ITGB4: variants seen among roughly 807,000 people sequenced by gnomAD.
The protein encoded by ITGB4 is integrin beta-4.
Under a neutral mutation model 207.6 loss-of-function variants are expected in ITGB4, and 159 were observed. The ratio of observed to expected loss-of-function variants is 0.77; its 90% confidence interval spans 0.67 to 0.87. ITGB4 has a LOEUF of 0.87. Ranked by LOEUF, ITGB4 falls within the 40% of genes least tolerant of loss-of-function variation. ITGB4 has a pLI of 0.00. For synonymous variants in ITGB4, 1,020 were observed against 1,062.7 expected, an observed-to-expected ratio of 0.96 and a Z score of 0.78; for missense variants, 2,278 against 2,546.8, an observed-to-expected ratio of 0.89 and a Z score of 2.27.
At position 75,740,926 on chromosome 17, in the gene ITGB4, G is replaced by T; in HGVS notation, c.2610-56G>T. ...CTCCAGGAGCCGAAGCCCCCAGGCC[G>T]ATCAGGCCTCCACTTCAGGGCTATC... On this transcript the variant is annotated intron_variant, in intron 22 of 39. Transcript: ENST00000200181. This position sits in a 1 kb window ranked among gnomAD's most constrained non-coding sequence, Gnocchi z 5.9. The T allele has an allele frequency of 1.2e-6, 2 of 1,613,354 alleles. No individual in the cohort carries two copies. Among genetic ancestry groups the T allele is most frequent in the Admixed American group, 3.3e-5 (2 of 60,026 alleles).
intron 32 of ITGB4, among the ~76,000 whole-genome samples, chr17:75,752,851 G>T: frequency 6.6e-6 from 1 of 152,154 alleles, no homozygotes; most frequent in East Asian, 1.9e-4. Flanking sequence ...CACCAGCTGT[G>T]CCATGCACAC....
At position 75,756,879 on chromosome 17, in the gene ITGB4, C is replaced by T; in HGVS notation, c.5053+20C>T. 6.2e-7 allele frequency: 1 copy of T among 1,612,224 alleles called. No individual in the cohort carries two copies. On this transcript the variant is annotated intron_variant, in intron 37 of 39. Transcript: ENST00000200181. ...GAGGAGGTGCTGCCCACCCCGGGGG[C>T]AGGAGTGGCCAGGGGAGGGGTAAAG...
chr17:75,737,709 C>G, intron 18 of ITGB4, 65 bp downstream of exon 18: 1 of 1,362,106 alleles, frequency 7.3e-7, no homozygotes, highest in South Asian at 1.2e-5. Context: ...AGGGCCCCCA[C>G]CCTCCACCAG....
rs1568386401 is a variant in ITGB4, at chr17:75,756,279, C to T, written c.4709-150C>T. On this transcript the variant is annotated intron_variant, in intron 35 of 39. Coordinates refer to ENST00000200181, the MANE Select transcript of ITGB4 (RefSeq NM_000213.5). Reference sequence around the variant, plus strand: ...ATAGTACACAATCTGAACAACCAGCCATACCATACTGTACCCAACCTGTAC... The same window carrying T: ...ATAGTACACAATCTGAACAACCAGCTATACCATACTGTACCCAACCTGTAC... The T allele has an allele frequency of 1.1e-5, 8 of 757,812 alleles. No homozygotes were observed. In the South Asian group the frequency reaches 1.1e-4, roughly 11 times the overall value. 46.9% of individuals were successfully genotyped at this position (757,812 alleles called of 1,614,324 possible).
At chr17:75,746,538 A>AT (rs760608554) in intron 26 of ITGB4, among the ~76,000 whole-genome samples, 5 of 148,740 alleles carry the variant, frequency 3.4e-5, no homozygotes, top group Admixed American at 2.0e-4. Flanking sequence ...GCCATTTTAT[A>AT]TTTTTAGTAG....
At chr17:75,744,828 T>C (rs950857083) in intron 26 of ITGB4, among the ~76,000 whole-genome samples, 2 of 151,504 alleles carry the variant, frequency 1.3e-5, no homozygotes, top group African/African-American at 2.4e-5. Flanking sequence ...AGGGTCTTGC[T>C]ATGTTGCCCA....
Position 75,756,561 on chromosome 17 carries a change from G to A in ITGB4, c.4841G>A (p.Gly1614Asp), listed in dbSNP as rs756507156. 25 of 1,613,182 alleles carry A rather than the reference G, an allele frequency of 1.5e-5. No individual in the cohort carries two copies. The highest frequency in any genetic ancestry group is 2.1e-5 in the Non-Finnish European group (25 of 1,180,014). The change falls in exon 36 of 40, where the codon GGT (glycine) becomes GAT (aspartate). Residue 1614 changes from glycine (G) to aspartate (D), a missense_variant. Coordinates refer to ENST00000200181, the MANE Select transcript of ITGB4 (RefSeq NM_000213.5). ...GAAGGCTGGGGCCGAGAGCGTGAGGGTGTCATCACCATTGAATCCCAGGTG... is the reference window on the plus strand; with the variant it reads ...GAAGGCTGGGGCCGAGAGCGTGAGGATGTCATCACCATTGAATCCCAGGTG... Reference protein sequence around the residue: ...SQEGWGREREGVITIESQVHP... With the variant: ...SQEGWGREREDVITIESQVHP...
chr17:75,736,430 G>T, intron 15 of ITGB4, 44 bp downstream of exon 15: 2 of 1,610,432 alleles, frequency 1.2e-6, no homozygotes, highest in Non-Finnish European at 1.7e-6. Flanking sequence ...AACAGGGCAG[G>T]CACAGGGCAG....
rs1203870755 is a variant in ITGB4, at chr17:75,730,962, A to G, written c.1090A>G (p.Asn364Asp). 3 of 1,612,930 alleles carry G rather than the reference A, an allele frequency of 1.9e-6. No individual in the cohort carries two copies. Among genetic ancestry groups the G allele is most frequent in the African/African-American group, 1.3e-5 (1 of 74,878 alleles). The change falls in exon 9 of 40, where the codon AAT becomes GAT. Residue 364 changes from asparagine to aspartate, a missense_variant and splice_region_variant. By Grantham distance (23) the Asn-to-Asp change is conservative (BLOSUM62 1). Transcript: ENST00000200181. Reference sequence around the variant, plus strand: ...CGTGGAGCTGCTGGAGGAGGCCTTCAATGTGAGGGCAGCTCAGGCTCCAGA... The same window carrying G: ...CGTGGAGCTGCTGGAGGAGGCCTTCGATGTGAGGGCAGCTCAGGCTCCAGA... ...NIVELLEEAF[N>D]RIRSNLDIRA...
Position 75,757,181 on chromosome 17 carries a change from G to A in ITGB4, c.5219-19G>A, listed in dbSNP as rs765302091. On this transcript the variant is annotated intron_variant, in intron 38 of 39. Transcript: ENST00000200181. ...TCCTTCTGGCACCACCCTCTGACTG[G>A]CCTATCTGCCCACCCCAGGACCCTT... 6.2e-6 allele frequency: 10 copies of A among 1,612,202 alleles called. No individual in the cohort carries two copies. The highest frequency in any genetic ancestry group is 7.6e-6 in the Non-Finnish European group (9 of 1,179,808).
At chr17:75,734,145 T>TTTTTG in intron 13 of ITGB4, among the ~76,000 whole-genome samples, 1 of 144,350 alleles carries the variant, frequency 6.9e-6, no homozygotes, top group African/African-American at 2.6e-5. Context: ...TTTTTTTTTT[T>TTTTTG]TTTTTTTTGA....
At position 75,751,394 on chromosome 17, in the gene ITGB4, G is replaced by C. The variant is rs1443000239; in HGVS notation, c.3793+283G>C. Among the ~76,000 whole-genome samples, 3 of 152,328 alleles carry C rather than the reference G, an allele frequency of 2.0e-5. No homozygotes were observed. In the East Asian group the frequency reaches 5.8e-4, roughly 29 times the overall value. On this transcript the variant is annotated intron_variant, in intron 30 of 39. Coordinates refer to ENST00000200181, the MANE Select transcript of ITGB4 (RefSeq NM_000213.5). Reference sequence around the variant, plus strand: ...ACCCCTCCCCATGCAGGTAACCAGGGAGCTCACACGTGCATGGTTTTCTTA... The same window carrying C: ...ACCCCTCCCCATGCAGGTAACCAGGCAGCTCACACGTGCATGGTTTTCTTA...
chr17:75,732,719 C>T lies in ITGB4; in HGVS notation c.1454+480C>T, dbSNP rs575031586. Among the ~76,000 whole-genome samples, 211 of 152,286 alleles carry T rather than the reference C, an allele frequency of 1.4e-3. 1 individual carries two copies. Among genetic ancestry groups the T allele is most frequent in the African/African-American group, 4.8e-3 (198 of 41,548 alleles). On this transcript the variant is annotated intron_variant, in intron 12 of 39. Coordinates refer to ENST00000200181, the MANE Select transcript of ITGB4 (RefSeq NM_000213.5). The surrounding 1 kb of genome is among the most constrained non-coding windows in gnomAD (Gnocchi z 5.3). The stretch of plus-strand genomic sequence containing the variant: ...TGACAGGGCACTGGGGTTTAGGTCT[C>T]AGCTCAGCCACTTCTGTCTGCATGA...
chr17:75,755,863 G>T lies in ITGB4; in HGVS notation c.4708+13G>T. 6.3e-7 allele frequency: 1 copy of T among 1,598,878 alleles called. No individual in the cohort carries two copies. On this transcript the variant is annotated intron_variant, in intron 35 of 39. Coordinates refer to ENST00000200181, the MANE Select transcript of ITGB4 (RefSeq NM_000213.5). ...CTGCTGAACGGCGGTGAGGCATGGTGGCTGCCAGGCTGCGGGGTGCAGCCC... is the reference window on the plus strand; with the variant it reads ...CTGCTGAACGGCGGTGAGGCATGGTTGCTGCCAGGCTGCGGGGTGCAGCCC...
rs200586694 is a variant in ITGB4 at position 75,752,264 on chromosome 17, G to T, written c.3884G>T (p.Arg1295Leu). Residue 1295 changes from arginine to leucine, a missense_variant, in exon 31 of 40, where the codon CGC becomes CTC. Coordinates refer to ENST00000200181, the MANE Select transcript of ITGB4 (RefSeq NM_000213.5). ...AACCTTCGGGAGTCCCAGCCCTACCGCTACACGGTGAAGGCGCGCAACGGG... is the reference window on the plus strand; with the variant it reads ...AACCTTCGGGAGTCCCAGCCCTACCTCTACACGGTGAAGGCGCGCAACGGG... ...IENLRESQPY[R>L]YTVKARNGAG... is the part of the protein sequence containing the mutation. 7 of 1,613,500 alleles carry T rather than the reference G, an allele frequency of 4.3e-6. No homozygotes were observed. The South Asian group carries it at 7.7e-5, about 18-fold the overall frequency.
In ITGB4 at chr17:75,750,646, C is replaced by G. The variant is rs563934580; in HGVS notation, c.3475-34C>G. ...ACAGGCAGCTTGGGTGCCTGCTGCT[C>G]CCTGCTGACCAGGACCCCTGTCCCT... is the stretch of plus-strand genomic sequence containing the variant. On this transcript the variant is annotated intron_variant, in intron 28 of 39. Coordinates refer to ENST00000200181, the MANE Select transcript of ITGB4 (RefSeq NM_000213.5). The surrounding 1 kb of genome is among the most constrained non-coding windows in gnomAD (Gnocchi z 5.5). 10 of 1,605,892 alleles carry G rather than the reference C, an allele frequency of 6.2e-6. No homozygotes were observed. The Admixed American group carries it at 1.2e-4, about 19-fold the overall frequency.
At position 75,730,404 on chromosome 17, in the gene ITGB4, C is replaced by T. The variant is rs1367994044; in HGVS notation, c.902C>T (p.Thr301Ile). The T allele has an allele frequency of 6.2e-7, 1 of 1,613,978 alleles. No individual in the cohort carries two copies. Among genetic ancestry groups the T allele is most frequent in the Non-Finnish European group, 8.5e-7 (1 of 1,180,044 alleles). The change falls in exon 8 of 40, where the codon ACA (threonine) becomes ATA (isoleucine). Residue 301 changes from threonine to isoleucine, a missense_variant. By Grantham distance (89) the Thr-to-Ile change is moderately conservative. Transcript: ENST00000200181. Reference protein sequence around the residue: ...DTTGTYTQYRTQDYPSVPTLV... With the variant: ...DTTGTYTQYRIQDYPSVPTLV... ...ACGGGCACCTACACCCAGTACAGGA[C>T]ACAGGACTACCCGTCGGTGCCCACC... is the stretch of plus-strand genomic sequence containing the variant.
intron 12 of ITGB4, among the ~76,000 whole-genome samples, chr17:75,733,058 C>G (rs978353997): frequency 1.3e-5 from 2 of 151,488 alleles, no homozygotes; most frequent in African/African-American, 4.9e-5. Flanking sequence ...GCACTCCAGC[C>G]TGGGCAAGAA....
At chr17:75,753,318 C>T (rs2061410785) in intron 32 of ITGB4, among the ~76,000 whole-genome samples, 1 of 152,186 alleles carries the variant, frequency 6.6e-6, no homozygotes, top group African/African-American at 2.4e-5. Flanking sequence ...CTCTGGAACC[C>T]CAGCTCAGCT....
Sources: allele counts gnomAD v4.1 joint callset (sites outside exome capture counted in the v4.1 genomes callset), GRCh38; gene constraint gnomAD v4.1.1; non-coding constraint Gnocchi (gnomAD v3.1); transcripts MANE v1.5; gene names NCBI Gene and HGNC (gene_info 2026-07-23, HGNC 2026-07-21).